Variants in WWOX observed in about 807,000 individuals in gnomAD.
WWOX encodes WW domain-containing oxidoreductase.
In WWOX, 69 loss-of-function variants were observed where a neutral mutation model predicts 46.2. The ratio of observed to expected loss-of-function variants is 1.49; its 90% CI spans 1.23 to 1.82. The LOEUF (loss-of-function observed/expected upper bound fraction) is 1.82, where lower values mean the gene tolerates loss of function less well. Ranked by LOEUF, WWOX falls within the 40% of genes most tolerant of loss-of-function variation. The pLI, the probability that WWOX is intolerant of heterozygous loss-of-function variation, is 0.00. For synonymous variants in WWOX, 359 were observed against 202.6 expected, an observed-to-expected ratio of 1.77 and a Z score of -6.56; for missense variants, 919 against 542.6, an observed-to-expected ratio of 1.69 and a Z score of -6.89.
chr16:79,131,903 A>G (rs368807527), intron 8 of WWOX, among the ~76,000 whole-genome samples: 87 of 152,274 alleles, frequency 5.7e-4, no homozygotes, highest in African/African-American at 1.9e-3. Context: ...GCAGCAGGCA[A>G]AGAGAGTGAG....
At chr16:78,521,207 G>T (rs539103928) in intron 8 of WWOX, among the ~76,000 whole-genome samples, 3 of 152,232 alleles carry the variant, frequency 2.0e-5, no homozygotes, top group Admixed American at 2.0e-4. Flanking sequence ...TTGGCTCTTT[G>T]ATATTATTTG....
At chr16:78,174,287 G>A (rs562584947) in intron 5 of WWOX, among the ~76,000 whole-genome samples, 1 of 152,244 alleles carries the variant, frequency 6.6e-6, no homozygotes, top group African/African-American at 2.4e-5. Context: ...TGAGGAAGAA[G>A]CAAAAGCAGA....
At chr16:78,363,140 ATG>A (rs1159655359) in intron 5 of WWOX, among the ~76,000 whole-genome samples, 1 of 151,548 alleles carries the variant, frequency 6.6e-6, no homozygotes, top group Non-Finnish European at 1.5e-5. Flanking sequence ...CTGTGTGTGT[ATG>A]TGTTTGTGTG....
intron 8 of WWOX, among the ~76,000 whole-genome samples, chr16:78,886,618 A>G (rs977865535): frequency 1.4e-5 from 2 of 142,788 alleles, no homozygotes; most frequent in Admixed American, 7.1e-5. Flanking sequence ...CAGAAACTAT[A>G]TAAAATATTA....
rs2051437522 is a variant in WWOX at position 78,819,588 on chromosome 16, AG to A, written c.1056+386837del. Among the ~76,000 whole-genome samples the A allele has an allele frequency of 5.3e-5, 8 of 151,882 alleles. No homozygotes were observed. In the South Asian group the frequency reaches 1.7e-3, roughly 32 times the overall value. On this transcript the variant is annotated intron_variant, in intron 8 of 8. Coordinates refer to ENST00000566780, the MANE Select transcript of WWOX (RefSeq NM_016373.4). ...ACTGTGGGTACTCTGCATGTGGGGTAGCCCTGTTTTGCAAGGAGCAGCACCT... is the reference window on the plus strand; with the variant it reads ...ACTGTGGGTACTCTGCATGTGGGGTACCCTGTTTTGCAAGGAGCAGCACCT...
At chr16:78,128,133 G>T (rs909538616) in intron 4 of WWOX, among the ~76,000 whole-genome samples, 12 of 152,136 alleles carry the variant, frequency 7.9e-5, no homozygotes, top group Admixed American at 1.3e-4. Flanking sequence ...GAAGAAGATG[G>T]AGGAAGAGAG....
Position 78,341,482 on chromosome 16 carries a change from G to A in WWOX, c.517-45378G>A, listed in dbSNP as rs550754922. Among the ~76,000 whole-genome samples the A allele has an allele frequency of 5.0e-5, 6 of 119,758 alleles. 2 individuals are homozygous for A. Among genetic ancestry groups the A allele is most frequent in the Non-Finnish European group, 1.0e-4 (5 of 50,224 alleles). 78.6% of individuals were successfully genotyped at this position (119,758 alleles called of 152,430 possible). On this transcript the variant is annotated intron_variant, in intron 5 of 8. Coordinates refer to ENST00000566780, the MANE Select transcript of WWOX (RefSeq NM_016373.4). ...TCATTCTTTTAAGCTTGTCTTAGAC[G>A]TGAGTATTATGTTTTATTTTGCTGG...
intron 8 of WWOX, among the ~76,000 whole-genome samples, chr16:78,778,146 C>T (rs1420188167): frequency 2.6e-5 from 4 of 151,990 alleles, no homozygotes; most frequent in African/African-American, 7.3e-5. Flanking sequence ...GGTGATGATC[C>T]CCACCCCAAG....
At chr16:78,200,000 C>T (rs1245851248) in intron 5 of WWOX, among the ~76,000 whole-genome samples, 3 of 152,178 alleles carry the variant, frequency 2.0e-5, no homozygotes, top group Non-Finnish European at 4.4e-5. Context: ...GTAGAAATCA[C>T]CAAGGACCTG....
At chr16:78,521,671 C>T (rs1336480491) in intron 8 of WWOX, among the ~76,000 whole-genome samples, 1 of 152,162 alleles carries the variant, frequency 6.6e-6, no homozygotes, top group Non-Finnish European at 1.5e-5. Context: ...GTCTAGTTCA[C>T]AGGTGTTATC....
chr16:78,369,862 A>G (rs895436114), intron 5 of WWOX, among the ~76,000 whole-genome samples: 1 of 151,988 alleles, frequency 6.6e-6, no homozygotes, highest in African/African-American at 2.4e-5. Flanking sequence ...GGCACGCACA[A>G]TGGCTCATGC....
intron 5 of WWOX, among the ~76,000 whole-genome samples, chr16:78,380,544 G>T (rs1405968704): frequency 6.6e-6 from 1 of 152,114 alleles, no homozygotes; most frequent in East Asian, 1.9e-4. Flanking sequence ...ACTCTTTAAG[G>T]ATAGGGCTGA....
intron 8 of WWOX, among the ~76,000 whole-genome samples, chr16:79,161,219 T>C (rs1294988205): frequency 6.6e-6 from 1 of 152,016 alleles, no homozygotes; most frequent in African/African-American, 2.4e-5. Flanking sequence ...GACATTTGAG[T>C]GCACACAGGC....
intron 8 of WWOX, among the ~76,000 whole-genome samples, chr16:79,067,068 G>A (rs1289764122): frequency 6.6e-6 from 1 of 152,272 alleles, no homozygotes; most frequent in African/African-American, 2.4e-5. Flanking sequence ...GAATAAGAAG[G>A]TGGTTATTAG....
At chr16:78,962,322 TTTTTAAA>T (rs1196900369) in intron 8 of WWOX, among the ~76,000 whole-genome samples, 140 of 93,680 alleles carry the variant, frequency 1.5e-3, no homozygotes, top group African/African-American at 6.5e-3. Flanking sequence ...TTTTTTTTTT[TTTTTAAA>T]AAAAAAAAAA....
At chr16:78,969,122 A>G (rs2046419977) in intron 8 of WWOX, among the ~76,000 whole-genome samples, 1 of 152,136 alleles carries the variant, frequency 6.6e-6, no homozygotes, top group African/African-American at 2.4e-5. Context: ...TGGAGCAGTC[A>G]GGGGACTCCC....
chr16:78,738,862 A>C (rs995119128), intron 8 of WWOX, among the ~76,000 whole-genome samples: 1 of 152,132 alleles, frequency 6.6e-6, no homozygotes, highest in African/African-American at 2.4e-5. Context: ...ATTGTCCCTT[A>C]AGCCACATTC....
chr16:78,638,716 G>A (rs972966921), intron 8 of WWOX, among the ~76,000 whole-genome samples: 5 of 152,280 alleles, frequency 3.3e-5, no homozygotes, highest in African/African-American at 1.2e-4. Context: ...ATACATTAGA[G>A]CATTAGAGCT....
chr16:78,357,237 G>T (rs1239104445), intron 5 of WWOX, among the ~76,000 whole-genome samples: 1 of 152,150 alleles, frequency 6.6e-6, no homozygotes, highest in East Asian at 1.9e-4. Context: ...GGATGGTGGT[G>T]TCATGCCAAC....
Sources: allele counts gnomAD v4.1 joint callset (sites outside exome capture counted in the v4.1 genomes callset), GRCh38; gene constraint gnomAD v4.1.1; transcripts MANE v1.5; gene names NCBI Gene and HGNC (gene_info 2026-07-23, HGNC 2026-07-21).